Variants in NTF3 observed in about 807,000 individuals in gnomAD.
NTF3 encodes neurotrophin 3.
Under a neutral mutation model 26.3 loss-of-function variants are expected in NTF3, and 8 were observed. The observed-to-expected ratio is 0.30, with a 90% CI of 0.18 to 0.55. The LOEUF (loss-of-function observed/expected upper bound fraction) is 0.55, where lower values mean the gene tolerates loss of function less well. NTF3 is among the 20% of genes least tolerant of loss of function. The probability of loss-of-function intolerance (pLI) is 0.93; values close to 1 mark genes in which losing one functional copy is unlikely to be tolerated. For synonymous variants in NTF3, 154 were observed against 145.5 expected, an observed-to-expected ratio of 1.06 and a Z score of -0.42; for missense variants, 276 against 352.9, an observed-to-expected ratio of 0.78 and a Z score of 1.75.
intron 1 of NTF3, among the ~76,000 whole-genome samples, chr12:5,458,339 G>C (rs1005165387): frequency 2.0e-5 from 3 of 152,080 alleles, no homozygotes; most frequent in Admixed American, 6.5e-5. Context: ...TCGCATTCTG[G>C]GGCTCCCTAT....
chr12:5,468,164 T>G (rs1940616355), intron 1 of NTF3, among the ~76,000 whole-genome samples: 1 of 152,226 alleles, frequency 6.6e-6, no homozygotes, highest in African/African-American at 2.4e-5. Context: ...ATTCATGCTG[T>G]GTCCTCCACC....
At chr12:5,486,044 A>C (rs917773297) in intron 1 of NTF3, among the ~76,000 whole-genome samples, 1 of 152,180 alleles carries the variant, frequency 6.6e-6, no homozygotes, top group Admixed American at 6.5e-5. Context: ...ACCGCCAATC[A>C]ATATAGCCGC....
At chr12:5,435,631 G>A (rs1180379721) in intron 1 of NTF3, among the ~76,000 whole-genome samples, 1 of 152,162 alleles carries the variant, frequency 6.6e-6, no homozygotes, top group Non-Finnish European at 1.5e-5. Flanking sequence ...CAGAATGCAG[G>A]TCCAGATCCC....
intron 1 of NTF3, among the ~76,000 whole-genome samples, chr12:5,443,096 G>A (rs1194617042): frequency 2.0e-5 from 3 of 152,172 alleles, no homozygotes; most frequent in Non-Finnish European, 4.4e-5. Flanking sequence ...TGTTTAGGAA[G>A]AGGCTTCTAA....
chr12:5,473,202 T>C (rs147071616), intron 1 of NTF3, among the ~76,000 whole-genome samples: 96 of 152,322 alleles, frequency 6.3e-4, no homozygotes, highest in African/African-American at 2.3e-3. Flanking sequence ...CCAGCCCTCC[T>C]CAGATCCTTG....
chr12:5,448,583 T>C (rs1940334561), intron 1 of NTF3, among the ~76,000 whole-genome samples: 1 of 152,214 alleles, frequency 6.6e-6, no homozygotes, highest in African/African-American at 2.4e-5. Flanking sequence ...ATAATTTTAT[T>C]TTAAATGTAC....
intron 1 of NTF3, among the ~76,000 whole-genome samples, chr12:5,485,338 T>G (rs1940854750): frequency 6.6e-6 from 1 of 152,176 alleles, no homozygotes; most frequent in African/African-American, 2.4e-5. Context: ...TGCCTTAGAC[T>G]TTGGAGTGAA....
Position 5,451,117 on chromosome 12 carries a change from AT to A in NTF3, c.18+18778del, listed in dbSNP as rs577916014. 1.3e-3 allele frequency among the ~76,000 whole-genome samples: 200 copies of A among 152,242 alleles called. 1 individual carries two copies. The highest frequency in any genetic ancestry group is 1.9e-3 in the Non-Finnish European group (129 of 68,010). On this transcript the variant is annotated intron_variant, in intron 1 of 1. Coordinates refer to ENST00000423158, the MANE Select transcript of NTF3 (RefSeq NM_001102654.2). ...CAGTGCCTTACACCTTCTTGCTGTA[AT>A]TTGAAGCATGGCCACAGTAAGCTAC...
intron 1 of NTF3, among the ~76,000 whole-genome samples, chr12:5,488,193 C>T (rs998148244): frequency 1.3e-5 from 2 of 152,206 alleles, no homozygotes; most frequent in Non-Finnish European, 2.9e-5. Flanking sequence ...GCATTTCCCT[C>T]CCTTGTTGGT....
intron 1 of NTF3, among the ~76,000 whole-genome samples, chr12:5,467,152 C>T (rs1403841780): frequency 7.1e-6 from 1 of 139,962 alleles, no homozygotes; most frequent in Non-Finnish European, 1.5e-5. Flanking sequence ...TTGCTTGAAC[C>T]CAGGAAGTGA....
intron 1 of NTF3, among the ~76,000 whole-genome samples, chr12:5,454,044 G>C (rs1209355579): frequency 6.6e-6 from 1 of 152,158 alleles, no homozygotes; most frequent in East Asian, 1.9e-4. Context: ...TGAGTCTCCT[G>C]GGGCTGCCGT....
intron 1 of NTF3, among the ~76,000 whole-genome samples, chr12:5,441,387 G>A (rs1246516871): frequency 2.0e-5 from 3 of 152,226 alleles, no homozygotes; most frequent in African/African-American, 7.2e-5. Context: ...TTGAATCGGA[G>A]ATAGCATTGG....
At chr12:5,453,774 A>G (rs1308669163) in intron 1 of NTF3, among the ~76,000 whole-genome samples, 2 of 152,192 alleles carry the variant, frequency 1.3e-5, no homozygotes, top group African/African-American at 4.8e-5. Context: ...GCAGACCAGG[A>G]ATGGCCCAGC....
At chr12:5,448,619 G>C (rs1286273170) in intron 1 of NTF3, among the ~76,000 whole-genome samples, 1 of 152,116 alleles carries the variant, frequency 6.6e-6, no homozygotes, top group Non-Finnish European at 1.5e-5. Flanking sequence ...TTTGGGAGTA[G>C]GGCTGGAAGG....
chr12:5,457,645 C>T (rs1269621787), intron 1 of NTF3, among the ~76,000 whole-genome samples: 1 of 152,210 alleles, frequency 6.6e-6, no homozygotes, highest in Non-Finnish European at 1.5e-5. Context: ...TTTGTGTTAG[C>T]TACAGACCCA....
Position 5,456,442 on chromosome 12 carries a change from G to C in NTF3, c.18+24100G>C, listed in dbSNP as rs1348926337. Among the ~76,000 whole-genome samples, 1 of 152,116 alleles carries C rather than the reference G, an allele frequency of 6.6e-6. No homozygotes were observed. Among genetic ancestry groups the C allele is most frequent in the Admixed American group, 6.5e-5 (1 of 15,274 alleles). On this transcript the variant is annotated intron_variant, in intron 1 of 1. Coordinates refer to ENST00000423158, the MANE Select transcript of NTF3 (RefSeq NM_001102654.2). This position sits in a 1 kb window ranked among gnomAD's most constrained non-coding sequence, Gnocchi z 4.4. ...GCTGTGTACCCCTCAGACCCAGTTG[G>C]AACCCAGCCAAGAGTACTTAATCCA...
intron 1 of NTF3, among the ~76,000 whole-genome samples, chr12:5,475,914 AAGAG>A (rs936045463): frequency 1.1e-4 from 15 of 138,362 alleles, no homozygotes; most frequent in African/African-American, 3.0e-4. Flanking sequence ...GAAAGAAAGA[AAGAG>A]AGAAAGAGAG....
chr12:5,458,989 G>A (rs760550422), intron 1 of NTF3, among the ~76,000 whole-genome samples: 2 of 152,088 alleles, frequency 1.3e-5, no homozygotes, highest in African/African-American at 4.8e-5. Context: ...GACTCTTGAC[G>A]TGCCATGGAA....
intron 1 of NTF3, among the ~76,000 whole-genome samples, chr12:5,464,005 CA>C (rs1297783583): frequency 1.3e-5 from 2 of 151,978 alleles, no homozygotes; most frequent in African/African-American, 4.8e-5. Context: ...AAATTAAAGC[CA>C]GGGGGCCAAT....
Sources: allele counts gnomAD v4.1 joint callset (sites outside exome capture counted in the v4.1 genomes callset), GRCh38; gene constraint gnomAD v4.1.1; non-coding constraint Gnocchi (gnomAD v3.1); transcripts MANE v1.5; gene names NCBI Gene and HGNC (gene_info 2026-07-23, HGNC 2026-07-21).